Variants in FIG4 observed in about 807,000 individuals in gnomAD.
The protein encoded by FIG4 is FIG4 phosphoinositide 5-phosphatase.
In FIG4, 112 loss-of-function variants were observed where a neutral mutation model predicts 118.6. That is an observed-to-expected ratio of 0.94 (90% CI 0.81 to 1.11). FIG4 has a LOEUF of 1.11. Ranked by LOEUF, FIG4 falls within the 50% of genes least tolerant of loss-of-function variation. FIG4 has a pLI of 0.00. For synonymous variants in FIG4, 369 were observed against 381.2 expected (o/e 0.97, Z 0.37); for missense variants, 969 against 1,111.7 (o/e 0.87, Z 1.83).
chr6:109,716,409 A>G (rs765403949), intron 2 of FIG4, 36 bp from the exon 3 acceptor site: 1 of 1,610,546 alleles, frequency 6.2e-7, no homozygotes. Context: ...CTAAAGTTTA[A>G]GCACAACCTT....
chr6:109,709,349 G>C (rs1288296665), intron 1 of FIG4, among the ~76,000 whole-genome samples: 1 of 152,170 alleles, frequency 6.6e-6, no homozygotes, highest in African/African-American at 2.4e-5. Context: ...GTACCATGCT[G>C]TTTTGGTTAC....
At chr6:109,745,756 G>C (rs1051486235) in intron 10 of FIG4, among the ~76,000 whole-genome samples, 4 of 151,988 alleles carry the variant, frequency 2.6e-5, no homozygotes, top group Non-Finnish European at 4.4e-5. Context: ...TTTCTTCTAG[G>C]GTTTTTATGG....
intron 15 of FIG4, among the ~76,000 whole-genome samples, chr6:109,768,201 C>T (rs1053177043): frequency 3.3e-5 from 5 of 152,032 alleles, no homozygotes; most frequent in Non-Finnish European, 7.4e-5. Context: ...CAGTAAGGCC[C>T]CTGGAAGGAC....
At chr6:109,801,311 G>A (rs747778559) in intron 22 of FIG4, among the ~76,000 whole-genome samples, 10 of 152,146 alleles carry the variant, frequency 6.6e-5, no homozygotes. Context: ...ACTTTGGGAG[G>A]CTGAGGCGGG....
chr6:109,726,870 TTG>T (rs1439099271), intron 3 of FIG4, among the ~76,000 whole-genome samples: 2 of 152,222 alleles, frequency 1.3e-5, no homozygotes, highest in African/African-American at 2.4e-5. Context: ...TTTGTAGCAA[TTG>T]TGAATGGGAG....
At chr6:109,707,812 G>A (rs1184474458) in intron 1 of FIG4, among the ~76,000 whole-genome samples, 2 of 151,980 alleles carry the variant, frequency 1.3e-5, no homozygotes, top group Non-Finnish European at 2.9e-5. Context: ...TTTTTGCAAT[G>A]TTTAAAAAGT....
rs143674284 is a variant in FIG4 at position 109,789,432 on chromosome 6, G to A, written c.2097-162G>A. Among the ~76,000 whole-genome samples the A allele has an allele frequency of 7.2e-5, 11 of 152,208 alleles. No homozygotes were observed. In the East Asian group the frequency reaches 1.9e-3, roughly 27 times the overall value. ...GATAACATTGAAATTATCTAGTGCT[G>A]TTAATTCATGGTTTTATGTCCCTGA... On this transcript the variant is annotated intron_variant, in intron 18 of 22. Coordinates refer to ENST00000230124, the MANE Select transcript of FIG4 (RefSeq NM_014845.6).
intron 8 of FIG4, among the ~76,000 whole-genome samples, chr6:109,742,773 T>C (rs1583670772): frequency 6.6e-6 from 1 of 152,242 alleles, no homozygotes; most frequent in East Asian, 1.9e-4. Context: ...CTTCTAGTCT[T>C]CCTCACCTCC....
intron 15 of FIG4, among the ~76,000 whole-genome samples, chr6:109,768,962 C>T (rs779733075): frequency 2.0e-5 from 3 of 152,122 alleles, no homozygotes; most frequent in Non-Finnish European, 4.4e-5. Flanking sequence ...GAATCCTCAT[C>T]GGCTACTTCT....
chr6:109,804,640 G>A (rs909556507), intron 22 of FIG4, among the ~76,000 whole-genome samples: 1 of 152,018 alleles, frequency 6.6e-6, no homozygotes, highest in African/African-American at 2.4e-5. Flanking sequence ...TCCATGTTAA[G>A]TATTTTAATA....
intron 15 of FIG4, among the ~76,000 whole-genome samples, chr6:109,773,723 G>A (rs1562676014): frequency 6.6e-6 from 1 of 152,214 alleles, no homozygotes; most frequent in African/African-American, 2.4e-5. Context: ...CCAGATTGGA[G>A]TGCAGTGGTG....
chr6:109,814,311 T>A (rs60728772), intron 22 of FIG4, among the ~76,000 whole-genome samples: 1,265 of 117,154 alleles, frequency 0.011, 24 homozygotes, highest in African/African-American at 0.036. Flanking sequence ...GCTAATTTTT[T>A]AATTTTTTTT....
chr6:109,721,292 C>G (rs1232213788), intron 3 of FIG4, among the ~76,000 whole-genome samples: 2 of 152,126 alleles, frequency 1.3e-5, no homozygotes, highest in Admixed American at 6.5e-5. Flanking sequence ...CCAGAGAGCT[C>G]TGTTGTACAA....
At chr6:109,698,640 G>C (rs1362763473) in intron 1 of FIG4, among the ~76,000 whole-genome samples, 2 of 152,204 alleles carry the variant, frequency 1.3e-5, no homozygotes, top group African/African-American at 4.8e-5. Context: ...CTATTGGTTA[G>C]ATACCCTTTT....
At chr6:109,730,162 C>G (rs1207885284) in intron 4 of FIG4, among the ~76,000 whole-genome samples, 1 of 152,064 alleles carries the variant, frequency 6.6e-6, no homozygotes, top group East Asian at 1.9e-4. Context: ...GGTCCTCCCA[C>G]CTCAGCCTCC....
intron 22 of FIG4, among the ~76,000 whole-genome samples, chr6:109,797,350 G>A (rs570326960): frequency 1.3e-5 from 2 of 152,316 alleles, no homozygotes; most frequent in South Asian, 4.1e-4. Flanking sequence ...CTGCTGTGTT[G>A]TTGAGTTTCC....
chr6:109,822,826 TATC>T (rs1779048488), intron 22 of FIG4, among the ~76,000 whole-genome samples: 2 of 135,942 alleles, frequency 1.5e-5, no homozygotes, highest in African/African-American at 5.3e-5. Context: ...TATATATATA[TATC>T]GCTTTCTTCA....
intron 10 of FIG4, among the ~76,000 whole-genome samples, chr6:109,751,441 G>A (rs1776692573): frequency 6.6e-6 from 1 of 152,156 alleles, no homozygotes; most frequent in Non-Finnish European, 1.5e-5. Context: ...AATGAGTTAG[G>A]GAGGAGTCCC....
At chr6:109,775,131 G>A (rs572098643) in intron 15 of FIG4, among the ~76,000 whole-genome samples, 4 of 151,736 alleles carry the variant, frequency 2.6e-5, no homozygotes, top group African/African-American at 9.7e-5. Flanking sequence ...TAATCATTTC[G>A]CCCTCTTGTT....
Sources: allele counts gnomAD v4.1 joint callset (sites outside exome capture counted in the v4.1 genomes callset), GRCh38; gene constraint gnomAD v4.1.1; transcripts MANE v1.5; gene names NCBI Gene and HGNC (gene_info 2026-07-23, HGNC 2026-07-21).